The following LUZP2 variants were observed in gnomAD, a reference collection of about 807,000 sequenced individuals.
LUZP2 encodes the protein leucine zipper protein 2.
In LUZP2, 52 loss-of-function variants were observed where a neutral mutation model predicts 51.6. The ratio of observed to expected loss-of-function variants is 1.01; its 90% CI spans 0.81 to 1.27. LUZP2 has a LOEUF of 1.27. Ranked by LOEUF, LUZP2 falls within the 50% of genes most tolerant of loss-of-function variation. The probability of loss-of-function intolerance (pLI) is 0.00; values close to 1 mark genes in which losing one functional copy is unlikely to be tolerated. For synonymous variants in LUZP2, 154 were observed against 137.3 expected (o/e 1.12, Z -0.85); for missense variants, 436 against 395.4 (o/e 1.10, Z -0.87).
intron 1 of LUZP2, among the ~76,000 whole-genome samples, chr11:24,520,879 C>T (rs1320667791): frequency 6.6e-6 from 1 of 152,196 alleles, no homozygotes; most frequent in Admixed American, 6.5e-5. Flanking sequence ...AAAAACTCAA[C>T]CAAGGGTTTT....
intron 10 of LUZP2, among the ~76,000 whole-genome samples, chr11:25,053,264 A>G (rs928899166): frequency 4.6e-5 from 7 of 152,174 alleles, no homozygotes; most frequent in African/African-American, 1.7e-4. Flanking sequence ...ATCAAGAAAG[A>G]AAACTAGAGT....
At chr11:24,875,080 G>T (rs184712672) in intron 5 of LUZP2, among the ~76,000 whole-genome samples, 440 of 152,048 alleles carry the variant, frequency 2.9e-3, no homozygotes, top group African/African-American at 9.7e-3. Context: ...TTAAGGAAAA[G>T]TATTTACACT....
chr11:24,526,771 CT>C (rs146933512), intron 1 of LUZP2, among the ~76,000 whole-genome samples: 2 of 150,928 alleles, frequency 1.3e-5, no homozygotes, highest in African/African-American at 2.4e-5. Flanking sequence ...TTTCTTTGAT[CT>C]TTTTTTTGGT....
intron 5 of LUZP2, among the ~76,000 whole-genome samples, chr11:24,818,083 T>C (rs1026012820): frequency 1.3e-5 from 2 of 152,218 alleles, no homozygotes; most frequent in African/African-American, 4.8e-5. Flanking sequence ...TTGCAGCAAC[T>C]TGATTTTTTT....
chr11:24,619,938 G>T (rs546992077), intron 1 of LUZP2, among the ~76,000 whole-genome samples: 1 of 152,190 alleles, frequency 6.6e-6, no homozygotes, highest in African/African-American at 2.4e-5. Context: ...TTCAAAATAG[G>T]TAGTAATTCT....
In LUZP2 at chr11:24,732,740, C is replaced by CA. The variant is rs1379606284; in HGVS notation, c.251+559dup. On this transcript the variant is annotated intron_variant, in intron 3 of 11. Coordinates refer to ENST00000336930, the MANE Select transcript of LUZP2 (RefSeq NM_001009909.4). ...CGATTTTTAAATTGCTTTTCCAAGCCAAAAAAAGAAAAACAAGTATTTTAA... is the reference window on the plus strand; with the variant it reads ...CGATTTTTAAATTGCTTTTCCAAGCCAAAAAAAAGAAAAACAAGTATTTTAA... 1.1e-4 allele frequency among the ~76,000 whole-genome samples: 17 copies of CA among 151,062 alleles called. No homozygotes were observed. The East Asian group carries it at 3.1e-3, about 28-fold the overall frequency.
At chr11:24,970,374 C>T (rs924032640) in intron 7 of LUZP2, among the ~76,000 whole-genome samples, 4 of 152,062 alleles carry the variant, frequency 2.6e-5, no homozygotes, top group African/African-American at 9.7e-5. Context: ...TGTCTCACAT[C>T]CTTTTCAGAG....
intron 9 of LUZP2, among the ~76,000 whole-genome samples, chr11:25,048,954 A>T (rs1156673641): frequency 6.6e-6 from 1 of 151,820 alleles, no homozygotes; most frequent in Non-Finnish European, 1.5e-5. Flanking sequence ...TAGTTGCTTT[A>T]TTCATGTTCT....
intron 1 of LUZP2, among the ~76,000 whole-genome samples, chr11:24,566,942 TAAA>T (rs1852261535): frequency 3.2e-4 from 1 of 3,082 alleles, no homozygotes; most frequent in African/African-American, 1.3e-3. Flanking sequence ...TATATATACA[TAAA>T]TATATATATA....
rs138299543 is a variant in LUZP2, at chr11:25,067,667, G to C, written c.859-9662G>C. On this transcript the variant is annotated intron_variant, in intron 10 of 11. Coordinates refer to ENST00000336930, the MANE Select transcript of LUZP2 (RefSeq NM_001009909.4). ...TAGAATGGCAATCATTAAAAAGTCA[G>C]GAAACAACAGAGGCTGGAGACGATA... 3.5e-3 allele frequency among the ~76,000 whole-genome samples: 537 copies of C among 152,134 alleles called. 2 individuals carry two copies. The highest frequency in any genetic ancestry group is 0.013 in the African/African-American group (519 of 41,512).
At chr11:24,639,058 A>G (rs964106204) in intron 1 of LUZP2, among the ~76,000 whole-genome samples, 4 of 151,784 alleles carry the variant, frequency 2.6e-5, no homozygotes, top group East Asian at 1.9e-4. Flanking sequence ...TTCTCTACAA[A>G]TCTTCAGTCT....
chr11:24,810,848 C>T (rs757660117), intron 5 of LUZP2, among the ~76,000 whole-genome samples: 1 of 152,122 alleles, frequency 6.6e-6, no homozygotes, highest in Non-Finnish European at 1.5e-5. Flanking sequence ...CCAAGTGTTG[C>T]TGTTACCGTG....
At chr11:24,798,199 T>A (rs1849599741) in intron 5 of LUZP2, among the ~76,000 whole-genome samples, 1 of 81,942 alleles carries the variant, frequency 1.2e-5, no homozygotes, top group South Asian at 5.3e-4. Flanking sequence ...GCATCTTATA[T>A]TTCTTTTTTT....
chr11:24,873,702 CAAG>C lies in LUZP2; in HGVS notation c.397-32284_397-32282del, dbSNP rs529392578. On this transcript the variant is annotated intron_variant, in intron 5 of 11. Transcript: ENST00000336930. ...CTCCTTATTATTTGGGAGACAATTA[CAAG>C]AAGATGAGAAAGAGCCCAGGGCCTG... 1.4e-3 allele frequency among the ~76,000 whole-genome samples: 217 copies of C among 152,190 alleles called. 3 individuals carry two copies. The highest frequency in any genetic ancestry group is 1.0e-3 in the Admixed American group (16 of 15,280).
At chr11:24,885,059 A>G (rs1426964982) in intron 5 of LUZP2, among the ~76,000 whole-genome samples, 1 of 152,096 alleles carries the variant, frequency 6.6e-6, no homozygotes, top group Admixed American at 6.6e-5. Flanking sequence ...GTTTTAGAGA[A>G]AGAGCAAATC....
intron 5 of LUZP2, among the ~76,000 whole-genome samples, chr11:24,764,308 T>G (rs1053605523): frequency 1.3e-5 from 2 of 151,934 alleles, no homozygotes; most frequent in African/African-American, 4.8e-5. Flanking sequence ...AGTTCACTTT[T>G]AATCTTAGAT....
chr11:24,664,837 C>A (rs1218050178), intron 1 of LUZP2, among the ~76,000 whole-genome samples: 2 of 152,154 alleles, frequency 1.3e-5, no homozygotes, highest in African/African-American at 4.8e-5. Context: ...GATGTCCAGG[C>A]AGGAGTTTGC....
rs568534934 is a variant in LUZP2 at position 24,642,261 on chromosome 11, G to A, written c.63-86908G>A. ...CTTTAGCAGAGTTACACAACAATTA[G>A]ACTGTTTTGTCACATTCTGCATTTT... On this transcript the variant is annotated intron_variant, in intron 1 of 11. Transcript: ENST00000336930. Among the ~76,000 whole-genome samples, 18 of 151,780 alleles carry A rather than the reference G, an allele frequency of 1.2e-4. No individual in the cohort carries two copies. The South Asian group carries it at 3.7e-3, about 31-fold the overall frequency.
intron 5 of LUZP2, among the ~76,000 whole-genome samples, chr11:24,795,536 G>T (rs1172520233): frequency 1.3e-5 from 2 of 152,048 alleles, no homozygotes; most frequent in Non-Finnish European, 2.9e-5. Context: ...TAAGGTACTG[G>T]GCTCATTTCA....
Sources: gnomAD v4.1 joint callset for allele counts (sites outside exome capture counted in the v4.1 genomes callset) on GRCh38, gnomAD v4.1.1 for gene constraint, MANE v1.5 for transcripts, NCBI Gene and HGNC (gene_info 2026-07-23, HGNC 2026-07-21) for gene names.